PRKAG2: variants seen among roughly 807,000 people sequenced by gnomAD.
PRKAG2 encodes the protein protein kinase AMP-activated non-catalytic subunit gamma 2, also known as 5'-AMP-activated protein kinase subunit gamma-2.
Under a neutral mutation model 69.6 loss-of-function variants are expected in PRKAG2, and 26 were observed. That is an observed-to-expected ratio of 0.37 (90% CI 0.27 to 0.52). The LOEUF is 0.52. Ranked by LOEUF, PRKAG2 falls within the 20% of genes least tolerant of loss-of-function variation. The probability of loss-of-function intolerance (pLI) is 0.90; values close to 1 mark genes in which losing one functional copy is unlikely to be tolerated. For synonymous variants in PRKAG2, 293 were observed against 285.0 expected (o/e 1.03, Z -0.28); for missense variants, 557 against 740.0 (o/e 0.75, Z 2.87).
At chr7:151,862,067 G>C (rs1236796912) in intron 1 of PRKAG2, among the ~76,000 whole-genome samples, 1 of 152,004 alleles carries the variant, frequency 6.6e-6, no homozygotes, top group Non-Finnish European at 1.5e-5. Flanking sequence ...TCCCTGAAGG[G>C]GATGAGGCCC....
chr7:151,729,430 C>T (rs1201804352), intron 3 of PRKAG2, among the ~76,000 whole-genome samples: 1 of 151,386 alleles, frequency 6.6e-6, no homozygotes, highest in Non-Finnish European at 1.5e-5. Context: ...CCGGGGAGGG[C>T]CTTGGAGCCA....
intron 1 of PRKAG2, among the ~76,000 whole-genome samples, chr7:151,840,679 C>G (rs1345253774): frequency 6.6e-6 from 1 of 152,204 alleles, no homozygotes; most frequent in Non-Finnish European, 1.5e-5. Flanking sequence ...TTCTGTGAAA[C>G]ATGAACCCCC....
intron 3 of PRKAG2, among the ~76,000 whole-genome samples, chr7:151,728,806 C>A (rs1206641650): frequency 6.6e-6 from 1 of 152,134 alleles, no homozygotes; most frequent in Non-Finnish European, 1.5e-5. Context: ...ACGCACCTCG[C>A]TGACACCCCA....
intron 3 of PRKAG2, among the ~76,000 whole-genome samples, chr7:151,757,688 T>A (rs528865132): frequency 6.6e-6 from 1 of 152,206 alleles, no homozygotes; most frequent in African/African-American, 2.4e-5. Flanking sequence ...CAAACCAGAC[T>A]CGCCTCAAAG....
chr7:151,650,121 TG>T (rs888222596), intron 4 of PRKAG2, among the ~76,000 whole-genome samples: 2 of 152,012 alleles, frequency 1.3e-5, no homozygotes, highest in Non-Finnish European at 2.9e-5. Flanking sequence ...CTCAGGAGCC[TG>T]AGGCGGGAGG....
At chr7:151,573,758 G>T (rs1808242711) in intron 8 of PRKAG2, among the ~76,000 whole-genome samples, 1 of 152,128 alleles carries the variant, frequency 6.6e-6, no homozygotes, top group Non-Finnish European at 1.5e-5. Context: ...CAAAATCTTT[G>T]GTAAAACTTC....
At chr7:151,665,014 C>T (rs748610568) in intron 4 of PRKAG2, among the ~76,000 whole-genome samples, 2 of 152,208 alleles carry the variant, frequency 1.3e-5, no homozygotes, top group African/African-American at 2.4e-5. Flanking sequence ...GATGCTAATC[C>T]AAGGCCATGC....
chr7:151,589,364 C>T (rs1308665744), intron 6 of PRKAG2, among the ~76,000 whole-genome samples: 1 of 152,202 alleles, frequency 6.6e-6, no homozygotes, highest in Non-Finnish European at 1.5e-5. Context: ...ACACCAGACT[C>T]ACACAGCATC....
At chr7:151,587,392 C>T (rs915642438) in intron 6 of PRKAG2, among the ~76,000 whole-genome samples, 8 of 152,176 alleles carry the variant, frequency 5.3e-5, no homozygotes, top group South Asian at 2.1e-4. Flanking sequence ...TCAGCCCTCA[C>T]GGAGGTGAAG....
chr7:151,674,359 G>C (rs1832562504), intron 4 of PRKAG2, among the ~76,000 whole-genome samples: 1 of 152,188 alleles, frequency 6.6e-6, no homozygotes. Context: ...CATTTCTATT[G>C]TTTTAAGCCA....
intron 5 of PRKAG2, among the ~76,000 whole-genome samples, chr7:151,602,541 T>C (rs1816361445): frequency 6.6e-6 from 1 of 152,220 alleles, no homozygotes; most frequent in African/African-American, 2.4e-5. Context: ...ATGTGTTGAT[T>C]TCTAAATTAT....
rs114623384 is a variant in PRKAG2, at chr7:151,802,535, G to A, written c.115-15994C>T. Among the ~76,000 whole-genome samples, 1,119 of 145,874 alleles carry A rather than the reference G, an allele frequency of 7.7e-3. 15 individuals carry two copies. Among genetic ancestry groups the A allele is most frequent in the African/African-American group, 0.026 (1,081 of 41,166 alleles). On this transcript the variant is annotated intron_variant, in intron 1 of 15. Transcript: ENST00000287878. Reference sequence around the variant, plus strand: ...AGCTACCTGAGGGATACTCCCCACGGCCCACCTGGCCCCCTCTTAGTCTGC... The same window carrying A: ...AGCTACCTGAGGGATACTCCCCACGACCCACCTGGCCCCCTCTTAGTCTGC...
intron 11 of PRKAG2, among the ~76,000 whole-genome samples, chr7:151,568,026 T>C (rs1258989425): frequency 6.6e-6 from 1 of 152,250 alleles, no homozygotes; most frequent in Non-Finnish European, 1.5e-5. Flanking sequence ...TCTATTTGAC[T>C]GATTACTTAC....
intron 5 of PRKAG2, among the ~76,000 whole-genome samples, chr7:151,623,256 T>C (rs1236213647): frequency 6.7e-6 from 1 of 148,612 alleles, no homozygotes; most frequent in Non-Finnish European, 1.5e-5. Context: ...CCCAGTTACT[T>C]GAGAGGCTGA....
chr7:151,826,079 T>C (rs537483913), intron 1 of PRKAG2, among the ~76,000 whole-genome samples: 2 of 152,214 alleles, frequency 1.3e-5, no homozygotes, highest in East Asian at 1.9e-4. Flanking sequence ...TTTTCCCCAG[T>C]TGGTATGCAA....
chr7:151,651,873 T>G (rs1464868584), intron 4 of PRKAG2, among the ~76,000 whole-genome samples: 1 of 151,202 alleles, frequency 6.6e-6, no homozygotes, highest in Admixed American at 6.6e-5. Flanking sequence ...AGGCAGCGAG[T>G]AGAATGGAGG....
At chr7:151,580,314 T>A (rs560077935) in intron 6 of PRKAG2, among the ~76,000 whole-genome samples, 1 of 152,208 alleles carries the variant, frequency 6.6e-6, no homozygotes, top group South Asian at 2.1e-4. Context: ...GCCACTGTAC[T>A]CCAGCCTGGG....
intron 3 of PRKAG2, among the ~76,000 whole-genome samples, chr7:151,734,848 C>CTTTTTTT (rs35008070): frequency 3.4e-4 from 31 of 90,084 alleles, no homozygotes; most frequent in African/African-American, 8.1e-4. Flanking sequence ...AAATCTGATT[C>CTTTTTTT]TTTTTTTTTT....
chr7:151,591,872 C>T (rs1201766784), intron 6 of PRKAG2, among the ~76,000 whole-genome samples: 1 of 152,184 alleles, frequency 6.6e-6, no homozygotes, highest in Non-Finnish European at 1.5e-5. Context: ...GATAATGACT[C>T]TCCCGCTGGG....
Sources: gnomAD v4.1 joint callset for allele counts (sites outside exome capture counted in the v4.1 genomes callset) on GRCh38, gnomAD v4.1.1 for gene constraint, MANE v1.5 for transcripts, NCBI Gene and HGNC (gene_info 2026-07-23, HGNC 2026-07-21) for gene names.